The following DST variants were observed in gnomAD, a reference collection of about 807,000 sequenced individuals.
DST encodes bullous pemphigoid antigen.
A neutral mutation model predicts 875.2 loss-of-function variants in DST; 253 were observed. The observed-to-expected ratio is 0.29, with a 90% CI of 0.26 to 0.32. DST has a LOEUF of 0.32. Among genes scored for constraint, DST ranks in the 10% least tolerant of loss-of-function variants. DST has a pLI of 1.00. For synonymous variants in DST, 3,124 were observed against 3,197.1 expected, an observed-to-expected ratio of 0.98 and a Z score of 0.77; for missense variants, 8,287 against 9,111.6, an observed-to-expected ratio of 0.91 and a Z score of 3.68.
intron 9 of DST, among the ~76,000 whole-genome samples, chr6:56,673,690 A>G (rs762080327): frequency 2.0e-5 from 3 of 152,242 alleles, no homozygotes; most frequent in African/African-American, 4.8e-5. Flanking sequence ...ACTGTTATAC[A>G]TACACACACT....
At chr6:56,545,754 A>T (rs1037197677) in intron 61 of DST, among the ~76,000 whole-genome samples, 1 of 152,194 alleles carries the variant, frequency 6.6e-6, no homozygotes, top group Non-Finnish European at 1.5e-5. Flanking sequence ...TTCAATGTGC[A>T]GTAAGTGAAA....
At chr6:56,528,773 C>A (rs2096845686) in intron 67 of DST, 68 bp downstream of exon 67, 1 of 1,151,424 alleles carries the variant, frequency 8.7e-7, no homozygotes, top group Admixed American at 2.4e-5. Context: ...TTTTTCCCAT[C>A]CCTAAAATAT....
intron 9 of DST, among the ~76,000 whole-genome samples, chr6:56,695,975 T>TA (rs150217341): frequency 6.6e-6 from 1 of 152,164 alleles, no homozygotes; most frequent in Non-Finnish European, 1.5e-5. Flanking sequence ...ATTGTCATAC[T>TA]AAAAAAAGTT....
chr6:56,579,290 C>A (rs1437126839), intron 49 of DST, among the ~76,000 whole-genome samples: 1 of 152,150 alleles, frequency 6.6e-6, no homozygotes, highest in Non-Finnish European at 1.5e-5. Context: ...AAACAAACAA[C>A]AACCAAAATT....
chr6:56,938,104 C>CTATA (rs1453586100), intron 2 of DST, among the ~76,000 whole-genome samples: 3 of 57,438 alleles, frequency 5.2e-5, no homozygotes, highest in African/African-American at 2.0e-4. Flanking sequence ...CTCTCTCTCT[C>CTATA]TCTCTATATA....
At position 56,472,185 on chromosome 6, in the gene DST, C is replaced by A. The variant is rs777034185; in HGVS notation, c.22032G>T (p.Gly7344=). Residue 7344 remains glycine, a synonymous_variant, in exon 94 of 104, where the codon GGG becomes GGT. Transcript: ENST00000680361. ...RFPASSLYPS[G]SQTQIETKNP... is the part of the protein sequence containing the mutation. ...TTTTGGTTTCAATTTGTGTCTGTGA[C>A]CCAGAGGGATACAAGCTTGATGCTG... The A allele has an allele frequency of 1.2e-6, 2 of 1,613,818 alleles. No homozygotes were observed. Among genetic ancestry groups the A allele is most frequent in the South Asian group, 2.2e-5 (2 of 91,060 alleles).
chr6:56,583,194 T>G (rs1167191887), intron 49 of DST, among the ~76,000 whole-genome samples: 2 of 152,232 alleles, frequency 1.3e-5, no homozygotes, highest in African/African-American at 4.8e-5. Context: ...ATGGTTGAAC[T>G]AGTTTACAGT....
In DST at chr6:56,604,979, G is replaced by A. The variant is rs775191514; in HGVS notation, c.9649C>T (p.His3217Tyr). The change falls in exon 40 of 104, where the codon CAT becomes TAT. Residue 3217 changes from histidine to tyrosine, a missense_variant. Physicochemically the swap from His to Tyr is moderately conservative, Grantham distance 83. This residue lies in a region of DST where 3,138 missense variants were observed against 3,116.6 expected (regional missense o/e 1.01). Transcript: ENST00000680361. ...GTATTATTAACTCCTAATTGTAAAT[G>A]TTCTTTCATGGGAGGGGCAGTTATT... ...VLITAPPMKE[H>Y]LQLGVNNTKE... 4.5e-5 allele frequency: 72 copies of A among 1,612,708 alleles called. No individual in the cohort carries two copies. Among genetic ancestry groups the A allele is most frequent in the Non-Finnish European group, 5.5e-5 (65 of 1,179,230 alleles).
At chr6:56,794,448 A>T (rs1264840289) in intron 4 of DST, among the ~76,000 whole-genome samples, 1 of 152,196 alleles carries the variant, frequency 6.6e-6, no homozygotes, top group East Asian at 1.9e-4. Flanking sequence ...GGCATTTGGT[A>T]GCTGGAAAAC....
chr6:56,635,822 G>T, intron 23 of DST, 108 bp from the exon 24 acceptor site: 1 of 1,169,634 alleles, frequency 8.5e-7, no homozygotes, highest in Non-Finnish European at 1.3e-6. Context: ...TAAGTGAGAA[G>T]AGAATAAAAG....
chr6:56,845,824 G>A (rs2099806648), intron 4 of DST, among the ~76,000 whole-genome samples: 1 of 152,168 alleles, frequency 6.6e-6, no homozygotes, highest in Non-Finnish European at 1.5e-5. Flanking sequence ...ATCCATTTAA[G>A]GAACCAGTCA....
At chr6:56,576,734 GAAGA>G (rs1439234539) in intron 50 of DST, among the ~76,000 whole-genome samples, 1 of 152,088 alleles carries the variant, frequency 6.6e-6, no homozygotes, top group East Asian at 1.9e-4. Flanking sequence ...AGCGCCCTTA[GAAGA>G]AGAAACAGGA....
At position 56,692,536 on chromosome 6, in the gene DST, G is replaced by A. The variant is rs561760808; in HGVS notation, c.1047+7117C>T. ...TTGAATACTGCTATAACTTTTTGGTGGGTCTTCAGGAAACCCACTTTTTTC... is the reference window on the plus strand; with the variant it reads ...TTGAATACTGCTATAACTTTTTGGTAGGTCTTCAGGAAACCCACTTTTTTC... On this transcript the variant is annotated intron_variant, in intron 9 of 103. Coordinates refer to ENST00000680361, the MANE Select transcript of DST (RefSeq NM_001374736.1). The A allele has an allele frequency of 5.0e-4, 650 of 1,289,620 alleles. 8 individuals carry two copies. The South Asian group carries it at 6.9e-3, about 14-fold the overall frequency. 79.9% of individuals were successfully genotyped at this position (1,289,620 alleles called of 1,614,324 possible).
chr6:56,497,090 A>G (rs1183750626), intron 82 of DST, among the ~76,000 whole-genome samples: 3 of 152,086 alleles, frequency 2.0e-5, no homozygotes, highest in African/African-American at 7.2e-5. Flanking sequence ...GGTGCAGGAC[A>G]CCAGCATGGC....
At chr6:56,847,902 A>G (rs1329625658) in intron 4 of DST, among the ~76,000 whole-genome samples, 5 of 152,138 alleles carry the variant, frequency 3.3e-5, no homozygotes, top group African/African-American at 1.2e-4. Context: ...CTGATACATG[A>G]TATTTTATAT....
chr6:56,542,755 A>C (rs2097154798), intron 61 of DST: 1 of 152,346 alleles, frequency 6.6e-6, no homozygotes, highest in Non-Finnish European at 1.5e-5. Flanking sequence ...CCGGGCAGGC[A>C]TGCTCTCCAG....
At chr6:56,464,563 T>C (rs2094490895) in intron 100 of DST, 122 bp downstream of exon 100, 2 of 710,242 alleles carry the variant, frequency 2.8e-6, no homozygotes, top group Admixed American at 2.8e-5. Flanking sequence ...CTCAGCTGGA[T>C]ATGAGTTAAG....
Position 56,605,911 on chromosome 6 carries a change from C to T in DST, c.8717G>A (p.Ser2906Asn), listed in dbSNP as rs1183661456. 1 of 1,612,712 alleles carries T rather than the reference C, an allele frequency of 6.2e-7. No individual in the cohort carries two copies. The highest frequency in any genetic ancestry group is 1.7e-5 in the Admixed American group (1 of 59,828). The stretch of plus-strand genomic sequence containing the variant: ...CTCATGGTTCAACAGATTTTCTTTG[C>T]TTTTTCCAGCAATCTCAGTTGTATA... ...PEYTTEIAGK[S>N]KENLLNHEMV... is the part of the protein sequence containing the mutation. Residue 2906 changes from serine to asparagine, a missense_variant, in exon 40 of 104, where the codon AGC becomes AAC. By Grantham distance (46) the Ser-to-Asn change is conservative (BLOSUM62 1). Around this residue, in one of 10 missense-constraint regions of DST, gnomAD observed 3,138 missense variants for 3,116.6 expected, o/e 1.01. Transcript: ENST00000680361.
intron 61 of DST, among the ~76,000 whole-genome samples, chr6:56,539,157 C>T (rs921139526): frequency 1.3e-5 from 2 of 152,020 alleles, no homozygotes; most frequent in East Asian, 3.9e-4. Flanking sequence ...TATTAAATTG[C>T]CTTAACCTCT....
Sources: allele counts gnomAD v4.1 joint callset (sites outside exome capture counted in the v4.1 genomes callset), GRCh38; gene constraint gnomAD v4.1.1; regional missense constraint gnomAD v4.1.1; transcripts MANE v1.5; gene names NCBI Gene and HGNC (gene_info 2026-07-23, HGNC 2026-07-21).